The following CXCL13 variants were observed in gnomAD, a reference collection of about 807,000 sequenced individuals.
CXCL13 encodes C-X-C motif chemokine 13.
In CXCL13, 7 loss-of-function variants were observed where a neutral mutation model predicts 12.2. The observed-to-expected ratio is 0.57, with a 90% confidence interval of 0.33 to 1.07. The LOEUF (loss-of-function observed/expected upper bound fraction) is 1.07. Ranked by LOEUF, CXCL13 falls within the 50% of genes least tolerant of loss-of-function variation. The pLI, the probability that CXCL13 is intolerant of heterozygous loss-of-function variation, is 0.04. For missense variants in CXCL13, 113 were observed against 127.4 expected (o/e 0.89, Z 0.55); for synonymous variants, 47 against 42.4 (o/e 1.11, Z -0.42).
chr4:77,527,778 A>AT (rs1724804276), intron 1 of CXCL13, among the ~76,000 whole-genome samples: 2 of 151,882 alleles, frequency 1.3e-5, no homozygotes, highest in Admixed American at 6.6e-5. Context: ...TTTTTTTATT[A>AT]TTTTTTATTT....
At chr4:77,522,407 T>G (rs1724631178) in intron 1 of CXCL13, among the ~76,000 whole-genome samples, 1 of 152,132 alleles carries the variant, frequency 6.6e-6, no homozygotes, top group Admixed American at 6.5e-5. Flanking sequence ...TATTTAGCTC[T>G]TCTTGTTGAA....
intron 1 of CXCL13, among the ~76,000 whole-genome samples, chr4:77,593,089 T>C (rs1487249748): frequency 6.6e-6 from 1 of 152,156 alleles, no homozygotes; most frequent in Non-Finnish European, 1.5e-5. Context: ...TGGCTTTCCT[T>C]TGAATTTCAG....
Position 77,610,977 on chromosome 4 carries a change from C to T in CXCL13, c.279-11C>T. 1.2e-6 allele frequency: 2 copies of T among 1,607,970 alleles called. No individual in the cohort carries two copies. The highest frequency in any genetic ancestry group is 1.3e-5 in the African/African-American group (1 of 74,944). ...AAACATGACAATTTTGTTTTTGTTT[C>T]TGCTTCACAGAAGAAGTTCTTCAAC... On this transcript the variant is annotated splice_polypyrimidine_tract_variant and intron_variant, in intron 3 of 3. Transcript: ENST00000682537.
At chr4:77,562,624 A>C (rs1370395117) in intron 1 of CXCL13, among the ~76,000 whole-genome samples, 1 of 142,640 alleles carries the variant, frequency 7.0e-6, no homozygotes, top group South Asian at 2.1e-4. Flanking sequence ...AAACACACCA[A>C]TCAGCACTCT....
chr4:77,550,569 T>A (rs910192853), intron 1 of CXCL13, among the ~76,000 whole-genome samples: 2 of 152,212 alleles, frequency 1.3e-5, no homozygotes, highest in African/African-American at 4.8e-5. Flanking sequence ...ATATGTTCTA[T>A]TTGCAGATGA....
intron 1 of CXCL13, among the ~76,000 whole-genome samples, chr4:77,530,060 T>C (rs1168516142): frequency 6.6e-6 from 1 of 152,216 alleles, no homozygotes; most frequent in Admixed American, 6.5e-5. Context: ...TTGGTTCTTT[T>C]TATATGCTGG....
Position 77,518,792 on chromosome 4 carries a change from C to T in CXCL13, c.-43+7004C>T, listed in dbSNP as rs146740877. Among the ~76,000 whole-genome samples the T allele has an allele frequency of 4.4e-3, 665 of 152,342 alleles. 16 individuals carry two copies. The highest frequency in any genetic ancestry group is 0.026 in the East Asian group (137 of 5,188). ...TGTCTGAAGCCTTCTTCTCTCAACT[C>T]TTCAAAGTCATTCTCCATCCAGCTT... On this transcript the variant is annotated intron_variant, in intron 1 of 4. Transcript: ENST00000286758.
At chr4:77,555,531 A>G (rs1405278144) in intron 1 of CXCL13, among the ~76,000 whole-genome samples, 2 of 152,130 alleles carry the variant, frequency 1.3e-5, no homozygotes, top group Non-Finnish European at 2.9e-5. Flanking sequence ...TAAATAGAAT[A>G]GAGACCTAAA....
intron 1 of CXCL13, among the ~76,000 whole-genome samples, chr4:77,530,536 C>A (rs1724885169): frequency 2.0e-5 from 3 of 152,158 alleles, no homozygotes; most frequent in Admixed American, 2.0e-4. Context: ...TTATCCATTT[C>A]GTCTAGATTT....
intron 1 of CXCL13, among the ~76,000 whole-genome samples, chr4:77,547,580 T>A (rs1725398644): frequency 6.6e-6 from 1 of 152,200 alleles, no homozygotes. Context: ...GTTTTCCATT[T>A]TCTTGGTAGA....
intron 1 of CXCL13, among the ~76,000 whole-genome samples, chr4:77,531,172 G>A (rs573919964): frequency 2.7e-5 from 4 of 149,126 alleles, no homozygotes; most frequent in Non-Finnish European, 4.4e-5. Flanking sequence ...TGTGCACAAC[G>A]TGCTGGTTTG....
intron 1 of CXCL13, among the ~76,000 whole-genome samples, chr4:77,567,284 T>C (rs1725962485): frequency 6.6e-6 from 1 of 152,218 alleles, no homozygotes; most frequent in South Asian, 2.1e-4. Context: ...CTTTTCAGAC[T>C]CAGCCCACTT....
chr4:77,537,597 A>C (rs1047518887), intron 1 of CXCL13, among the ~76,000 whole-genome samples: 2 of 152,214 alleles, frequency 1.3e-5, no homozygotes, highest in African/African-American at 4.8e-5. Flanking sequence ...AGAAGATTCC[A>C]AGTATTTAGC....
At chr4:77,570,147 T>C (rs1726033974) in intron 1 of CXCL13, among the ~76,000 whole-genome samples, 1 of 152,172 alleles carries the variant, frequency 6.6e-6, no homozygotes, top group Admixed American at 6.5e-5. Flanking sequence ...AAGACTTCAA[T>C]GTAAAACTCA....
In CXCL13 at chr4:77,611,188, A is replaced by T. The variant is rs1578076480; in HGVS notation, c.*149A>T. 1.5e-6 allele frequency: 1 copy of T among 659,858 alleles called. No individual in the cohort carries two copies. The highest frequency in any genetic ancestry group is 2.6e-5 in the East Asian group (1 of 38,822). 40.9% of individuals were successfully genotyped at this position (659,858 alleles called of 1,614,324 possible). Reference sequence around the variant, plus strand: ...TGTAAAAATAACCTTGCAGAAGCTGATGGGGCAAACTCAAGCTTCTTCACT... The same window carrying T: ...TGTAAAAATAACCTTGCAGAAGCTGTTGGGGCAAACTCAAGCTTCTTCACT... On this transcript the variant is annotated 3_prime_UTR_variant, in exon 4 of 4. Transcript: ENST00000682537.
chr4:77,517,131 T>C (rs1724442860), intron 1 of CXCL13, among the ~76,000 whole-genome samples: 1 of 152,332 alleles, frequency 6.6e-6, no homozygotes, highest in African/African-American at 2.4e-5. Context: ...GTGAGTTTCT[T>C]AATCCTGAGT....
At chr4:77,548,831 A>C (rs1439805882) in intron 1 of CXCL13, among the ~76,000 whole-genome samples, 1 of 152,124 alleles carries the variant, frequency 6.6e-6, no homozygotes, top group Non-Finnish European at 1.5e-5. Context: ...GCCCTTCTCA[A>C]GGAGTATCTT....
chr4:77,594,922 TA>T (rs1185275677), intron 1 of CXCL13, among the ~76,000 whole-genome samples: 2 of 151,686 alleles, frequency 1.3e-5, no homozygotes, highest in South Asian at 2.1e-4. Flanking sequence ...AATAAAATTT[TA>T]AAAAATAATA....
intron 1 of CXCL13, among the ~76,000 whole-genome samples, chr4:77,520,168 T>G (rs1301227878): frequency 6.6e-6 from 1 of 152,238 alleles, no homozygotes. Context: ...AGCTTCATTC[T>G]TTTGGCTTAG....
Sources: gnomAD v4.1 joint callset for allele counts (sites outside exome capture counted in the v4.1 genomes callset) on GRCh38, gnomAD v4.1.1 for gene constraint, MANE v1.5 for transcripts, NCBI Gene and HGNC (gene_info 2026-07-23, HGNC 2026-07-21) for gene names.